Variants in LARGE1 observed in about 807,000 individuals in gnomAD.
LARGE1 encodes the protein xylosyl- and glucuronyltransferase LARGE1.
A neutral mutation model predicts 87.6 loss-of-function variants in LARGE1; 43 were observed. The ratio of observed to expected loss-of-function variants is 0.49; its 90% CI spans 0.38 to 0.63. LARGE1 has a LOEUF of 0.63. LARGE1 is among the 30% of genes least tolerant of loss of function. The pLI, the probability that LARGE1 is intolerant of heterozygous loss-of-function variation, is 0.00. For missense variants in LARGE1, 802 were observed against 1,000.2 expected (o/e 0.80, Z 2.67); for synonymous variants, 434 against 394.6 (o/e 1.10, Z -1.18).
chr22:33,541,060 G>GGGGGGGGGGGGGGGGGGGGGGGGT (rs2077184740), intron 6 of LARGE1, among the ~76,000 whole-genome samples: 1 of 96,640 alleles, frequency 1.0e-5, no homozygotes, highest in Non-Finnish European at 2.2e-5. Flanking sequence ...GTTGCGGGGG[G>GGGGGGGGGGGGGGGGGGGGGGGGT]GGGGGGGCGG....
intron 11 of LARGE1, among the ~76,000 whole-genome samples, chr22:33,191,453 A>G (rs1036947665): frequency 1.2e-4 from 19 of 152,230 alleles, no homozygotes; most frequent in African/African-American, 3.9e-4. Context: ...AGCAAAGCCC[A>G]TAGGTCAGTC....
At chr22:33,404,971 C>G (rs936094104) in intron 7 of LARGE1, among the ~76,000 whole-genome samples, 1 of 152,142 alleles carries the variant, frequency 6.6e-6, no homozygotes, top group East Asian at 1.9e-4. Flanking sequence ...GCTCCCAGTT[C>G]GAAGGACTCT....
chr22:33,922,279 T>TGGGGGGTGGGGGGGGGGGGGGGGGGGGGG (rs1555893682), upstream of LARGE1: 1 of 63,510 alleles, frequency 1.6e-5, no homozygotes. Flanking sequence ...GCTGGGGGGG[T>TGGGGGGTGGGGGGGGGGGGGGGGGGGGGG]GGGGCGGCAA....
chr22:33,245,084 G>C (rs374248661), intron 11 of LARGE1, among the ~76,000 whole-genome samples: 4 of 152,194 alleles, frequency 2.6e-5, no homozygotes, highest in East Asian at 1.9e-4. Context: ...AGGGTCCTGG[G>C]AATTTAACTT....
At chr22:33,747,026 G>T (rs1183672751) in intron 2 of LARGE1, among the ~76,000 whole-genome samples, 1 of 152,148 alleles carries the variant, frequency 6.6e-6, no homozygotes, top group Non-Finnish European at 1.5e-5. Flanking sequence ...AAGTGCCCCG[G>T]GGTGGACTGG....
At chr22:33,185,686 T>C (rs1923437930) in intron 11 of LARGE1, among the ~76,000 whole-genome samples, 1 of 152,134 alleles carries the variant, frequency 6.6e-6, no homozygotes, top group Non-Finnish European at 1.5e-5. Context: ...GTAATTCCAC[T>C]CAATGTTGCT....
chr22:33,495,373 T>C (rs2070059411), intron 6 of LARGE1, among the ~76,000 whole-genome samples: 1 of 152,206 alleles, frequency 6.6e-6, no homozygotes, highest in Non-Finnish European at 1.5e-5. Context: ...GTGCATGCTA[T>C]ATAGTGTAAA....
At position 33,442,371 on chromosome 22, in the gene LARGE1, C is replaced by T. The variant is rs946247191; in HGVS notation, c.788-10106G>A. On this transcript the variant is annotated intron_variant, in intron 6 of 14. Transcript: ENST00000397394. ...TTATCTTTACAAAGAGCTTCTCAAA[C>T]GGTCCAGCTACCATTTGCCAGGCTC... Among the ~76,000 whole-genome samples the T allele has an allele frequency of 1.6e-4, 24 of 152,334 alleles. No individual in the cohort carries two copies. The East Asian group carries it at 1.9e-3, about 12-fold the overall frequency.
chr22:33,067,165 T>C, the LARGE1 span, among the ~76,000 whole-genome samples: 1 of 152,030 alleles, frequency 6.6e-6, no homozygotes, highest in Non-Finnish European at 1.5e-5. Context: ...CATTACTTTC[T>C]TCAAAACCAT....
At chr22:33,821,486 G>A (rs937811445) in intron 1 of LARGE1, among the ~76,000 whole-genome samples, 16 of 152,072 alleles carry the variant, frequency 1.1e-4, no homozygotes, top group African/African-American at 3.1e-4. Flanking sequence ...TATAAACCAC[G>A]TCTGACAAAT....
intron 1 of LARGE1, among the ~76,000 whole-genome samples, chr22:33,795,276 G>A (rs1305020780): frequency 6.6e-6 from 1 of 152,118 alleles, no homozygotes; most frequent in Non-Finnish European, 1.5e-5. Context: ...CATAATTGCT[G>A]GTATACAGTA....
intron 1 of LARGE1, among the ~76,000 whole-genome samples, chr22:33,795,389 T>C (rs2085946978): frequency 1.3e-5 from 2 of 152,170 alleles, no homozygotes; most frequent in South Asian, 4.1e-4. Context: ...TGACTATATA[T>C]ACACATTAAC....
chr22:33,258,870 T>G (rs1271808904), intron 11 of LARGE1, among the ~76,000 whole-genome samples: 1 of 144,276 alleles, frequency 6.9e-6, no homozygotes, highest in Non-Finnish European at 1.5e-5. Flanking sequence ...ATAAACTTTA[T>G]GTTTCTTCTT....
chr22:33,554,985 C>T (rs1292802155), intron 6 of LARGE1, among the ~76,000 whole-genome samples: 1 of 152,202 alleles, frequency 6.6e-6, no homozygotes, highest in African/African-American at 2.4e-5. Flanking sequence ...TAGCCCACCA[C>T]ACCCATGGGT....
intron 2 of LARGE1, among the ~76,000 whole-genome samples, chr22:33,680,908 T>A (rs2081748688): frequency 6.6e-6 from 1 of 152,186 alleles, no homozygotes; most frequent in Non-Finnish European, 1.5e-5. Context: ...GTGACAACCA[T>A]CACACTTGAA....
chr22:33,509,833 C>T (rs916152707), intron 6 of LARGE1, among the ~76,000 whole-genome samples: 6 of 152,160 alleles, frequency 3.9e-5, no homozygotes, highest in Non-Finnish European at 5.9e-5. Context: ...CTCTCGTCTG[C>T]TTTCATTTAG....
chr22:33,296,295 T>C (rs1342021362), intron 12 of LARGE1, among the ~76,000 whole-genome samples: 1 of 152,240 alleles, frequency 6.6e-6, no homozygotes, highest in Non-Finnish European at 1.5e-5. Flanking sequence ...GTTACAACTT[T>C]GTGCCACAGT....
the LARGE1 span, among the ~76,000 whole-genome samples, chr22:33,080,243 C>A: frequency 6.6e-6 from 1 of 152,146 alleles, no homozygotes; most frequent in Non-Finnish European, 1.5e-5. Flanking sequence ...TTACTTGCAT[C>A]ACCTCATTTA....
the LARGE1 span, among the ~76,000 whole-genome samples, chr22:33,121,507 G>A: frequency 6.6e-6 from 1 of 152,138 alleles, no homozygotes; most frequent in African/African-American, 2.4e-5. Flanking sequence ...TACAAATATG[G>A]CAGAATCTGG....
Sources: gnomAD v4.1 joint callset for allele counts (sites outside exome capture counted in the v4.1 genomes callset) on GRCh38, gnomAD v4.1.1 for gene constraint, MANE v1.5 for transcripts, NCBI Gene and HGNC (gene_info 2026-07-23, HGNC 2026-07-21) for gene names.